Variants in SKAP1 observed in about 807,000 individuals in gnomAD.
SKAP1 encodes the protein src kinase associated phosphoprotein 1.
Under a neutral mutation model 58.5 loss-of-function variants are expected in SKAP1, and 44 were observed. The observed-to-expected ratio is 0.75, with a 90% confidence interval of 0.59 to 0.97. The LOEUF is 0.97. Ranked by LOEUF, SKAP1 falls within the 50% of genes least tolerant of loss-of-function variation. The pLI is 0.00. For synonymous variants in SKAP1, 127 were observed against 149.7 expected, an observed-to-expected ratio of 0.85 and a Z score of 1.11; for missense variants, 390 against 435.2, an observed-to-expected ratio of 0.90 and a Z score of 0.92.
At chr17:48,247,623 G>A (rs1049435109) in intron 4 of SKAP1, among the ~76,000 whole-genome samples, 58 of 152,124 alleles carry the variant, frequency 3.8e-4, no homozygotes, top group African/African-American at 1.4e-3. Context: ...GAGATAGTAA[G>A]TCATAGTAAC....
At chr17:48,382,887 G>C (rs983528795) in intron 2 of SKAP1, among the ~76,000 whole-genome samples, 1 of 152,184 alleles carries the variant, frequency 6.6e-6, no homozygotes, top group Non-Finnish European at 1.5e-5. Context: ...TCTCTAAGGG[G>C]TGAAACTGCA....
chr17:48,256,174 A>T (rs986712509), intron 4 of SKAP1, among the ~76,000 whole-genome samples: 2 of 146,728 alleles, frequency 1.4e-5, no homozygotes, highest in Non-Finnish European at 3.0e-5. Context: ...AGTTTACCAA[A>T]ATGTGTGTGT....
chr17:48,256,469 G>A (rs561246191), intron 4 of SKAP1, among the ~76,000 whole-genome samples: 3 of 152,008 alleles, frequency 2.0e-5, no homozygotes, highest in Admixed American at 6.6e-5. Flanking sequence ...TCAGGGCCCC[G>A]AAGAGCAAAT....
intron 1 of SKAP1, among the ~76,000 whole-genome samples, chr17:48,423,637 G>A (rs2067821197): frequency 6.6e-6 from 1 of 152,098 alleles, no homozygotes; most frequent in African/African-American, 2.4e-5. Flanking sequence ...GCCACATGTG[G>A]CTAGTGACTA....
At chr17:48,306,917 A>G (rs1322624743) in intron 4 of SKAP1, among the ~76,000 whole-genome samples, 2 of 152,214 alleles carry the variant, frequency 1.3e-5, no homozygotes, top group African/African-American at 4.8e-5. Flanking sequence ...ATTCCATGAC[A>G]CTGGAAAATA....
At chr17:48,215,517 G>A (rs2064927975) in intron 4 of SKAP1, among the ~76,000 whole-genome samples, 1 of 152,208 alleles carries the variant, frequency 6.6e-6, no homozygotes, top group Non-Finnish European at 1.5e-5. Flanking sequence ...GAGGCTTTGG[G>A]CTTTTTAAAA....
intron 1 of SKAP1, among the ~76,000 whole-genome samples, chr17:48,426,151 T>C (rs1481339800): frequency 2.0e-5 from 3 of 152,254 alleles, no homozygotes; most frequent in East Asian, 3.8e-4. Flanking sequence ...GATTTTATGA[T>C]TGACTGCATT....
intron 4 of SKAP1, among the ~76,000 whole-genome samples, chr17:48,278,393 G>T (rs2065725694): frequency 6.6e-6 from 1 of 152,142 alleles, no homozygotes; most frequent in Non-Finnish European, 1.5e-5. Context: ...TAAATTACAT[G>T]TATATAATAG....
chr17:48,233,857 A>G (rs2065151830), intron 4 of SKAP1, among the ~76,000 whole-genome samples: 2 of 152,104 alleles, frequency 1.3e-5, no homozygotes, highest in South Asian at 4.1e-4. Context: ...CTGTGTCTTG[A>G]GAAAAAAAAA....
At chr17:48,153,514 C>G (rs929318387) in intron 11 of SKAP1, among the ~76,000 whole-genome samples, 3 of 152,090 alleles carry the variant, frequency 2.0e-5, no homozygotes, top group Non-Finnish European at 4.4e-5. Context: ...GAGAAAACAC[C>G]ATCATCATCA....
intron 4 of SKAP1, among the ~76,000 whole-genome samples, chr17:48,214,792 C>T (rs1284402541): frequency 1.3e-5 from 2 of 151,292 alleles, no homozygotes; most frequent in Admixed American, 6.6e-5. Flanking sequence ...CATAGTGGTG[C>T]GTGCCTGTAG....
intron 1 of SKAP1, among the ~76,000 whole-genome samples, chr17:48,418,276 TG>T (rs2067755885): frequency 6.6e-6 from 1 of 152,168 alleles, no homozygotes; most frequent in Admixed American, 6.5e-5. Flanking sequence ...GACAACAGAA[TG>T]AGAACTTGTC....
intron 2 of SKAP1, among the ~76,000 whole-genome samples, chr17:48,380,656 A>G (rs1212732061): frequency 6.6e-6 from 1 of 152,184 alleles, no homozygotes; most frequent in Admixed American, 6.5e-5. Flanking sequence ...GGAAAATACG[A>G]TAAAGGAAAC....
intron 2 of SKAP1, among the ~76,000 whole-genome samples, chr17:48,392,326 T>A (rs1317438567): frequency 6.6e-6 from 1 of 152,088 alleles, no homozygotes; most frequent in Non-Finnish European, 1.5e-5. Flanking sequence ...ATGTCCTGAG[T>A]TTTGTGCCAT....
Position 48,406,971 on chromosome 17 carries a change from C to T in SKAP1, c.47-10186G>A, listed in dbSNP as rs542348832. Among the ~76,000 whole-genome samples the T allele has an allele frequency of 3.3e-5, 5 of 152,258 alleles. No homozygotes were observed. The East Asian group carries it at 7.7e-4, about 24-fold the overall frequency. On this transcript the variant is annotated intron_variant, in intron 1 of 12. Coordinates refer to ENST00000336915, the MANE Select transcript of SKAP1 (RefSeq NM_003726.4). Reference sequence around the variant, plus strand: ...TCCTGCCTCAGCTCCTAAAGTGCTGCAGGCATGAGCCATCGTGTTTGGCCT... The same window carrying T: ...TCCTGCCTCAGCTCCTAAAGTGCTGTAGGCATGAGCCATCGTGTTTGGCCT...
intron 4 of SKAP1, among the ~76,000 whole-genome samples, chr17:48,338,883 C>A (rs1509636): frequency 6.6e-6 from 1 of 152,120 alleles, no homozygotes; most frequent in African/African-American, 2.4e-5. Flanking sequence ...ACTATATAAA[C>A]GACATGATTT....
At chr17:48,171,093 GTT>G (rs71141969) in intron 9 of SKAP1, among the ~76,000 whole-genome samples, 21 of 70,254 alleles carry the variant, frequency 3.0e-4, no homozygotes, top group East Asian at 1.9e-3. Context: ...AATTACTGTT[GTT>G]TTTTTTTTTT....
intron 4 of SKAP1, among the ~76,000 whole-genome samples, chr17:48,274,158 G>A (rs1453847990): frequency 6.6e-6 from 1 of 152,160 alleles, no homozygotes; most frequent in Non-Finnish European, 1.5e-5. Flanking sequence ...GGAGGCCGAG[G>A]TGAGCAGATC....
chr17:48,406,803 T>C (rs1287363066), intron 1 of SKAP1, among the ~76,000 whole-genome samples: 1 of 152,114 alleles, frequency 6.6e-6, no homozygotes, highest in African/African-American at 2.4e-5. Context: ...TGACCTCAAG[T>C]GATCCGCCCG....
Sources: allele counts gnomAD v4.1 joint callset (sites outside exome capture counted in the v4.1 genomes callset), GRCh38; gene constraint gnomAD v4.1.1; transcripts MANE v1.5; gene names NCBI Gene and HGNC (gene_info 2026-07-23, HGNC 2026-07-21).